The following BRF1 variants were observed in gnomAD, a reference collection of about 807,000 sequenced individuals.
BRF1 encodes BRF1 general transcription factor IIIB subunit, also known as transcription factor IIIB 90 kDa subunit.
In BRF1, 59 loss-of-function variants were observed where a neutral mutation model predicts 81.7. The ratio of observed to expected loss-of-function variants is 0.72; its 90% CI spans 0.59 to 0.90. BRF1 has a LOEUF of 0.90. BRF1 is among the 40% of genes least tolerant of loss of function. The pLI is 0.00. For synonymous variants in BRF1, 491 were observed against 395.6 expected, an observed-to-expected ratio of 1.24 and a Z score of -2.86; for missense variants, 1,050 against 936.3, an observed-to-expected ratio of 1.12 and a Z score of -1.58.
chr14:105,250,654 G>C, intron 5 of BRF1: 1 of 1,609,634 alleles, frequency 6.2e-7, no homozygotes, highest in Non-Finnish European at 8.5e-7. Flanking sequence ...AGATCCCTGA[G>C]CTCATTTTCT....
chr14:105,257,105 G>A (rs2055918621), intron 3 of BRF1, among the ~76,000 whole-genome samples: 1 of 152,254 alleles, frequency 6.6e-6, no homozygotes, highest in African/African-American at 2.4e-5. Flanking sequence ...GACAGGTGTG[G>A]GGACCCCGCA....
chr14:105,263,803 T>C (rs2056276040), intron 3 of BRF1, among the ~76,000 whole-genome samples: 1 of 151,794 alleles, frequency 6.6e-6, no homozygotes, highest in Non-Finnish European at 1.5e-5. Flanking sequence ...CGGGCACCTA[T>C]AGTCCCAGCT....
At chr14:105,300,330 G>T in intron 1 of BRF1, 116 bp downstream of exon 1, 1 of 1,191,052 alleles carries the variant, frequency 8.4e-7, no homozygotes, top group African/African-American at 1.6e-5. Flanking sequence ...GCGCAGAACC[G>T]CGCGCCCCGA....
At chr14:105,250,268 C>T (rs142466787) in intron 5 of BRF1, 1 of 1,613,104 alleles carries the variant, frequency 6.2e-7, no homozygotes, top group East Asian at 2.2e-5. Flanking sequence ...CAACCAGTGG[C>T]GGTACCGCGG....
At chr14:105,303,760 TG>T (rs1306632944), upstream of BRF1, among the ~76,000 whole-genome samples, 3 of 152,254 alleles carry the variant, frequency 2.0e-5, no homozygotes, top group African/African-American at 7.2e-5. Context: ...TGTATTGTTT[TG>T]TTTCTAAATG....
rs774987650 is a variant in BRF1, at chr14:105,217,300, G to T, written c.1772+244C>A. On this transcript the variant is annotated intron_variant, in intron 15 of 17. Coordinates refer to ENST00000547530, the MANE Select transcript of BRF1 (RefSeq NM_001519.4). ...CCTCCTTGGGACAAAACAGAGCCTA[G>T]GCTGCAGGACCCCCCTGACAGCTGG... 376 of 616,694 alleles carry T rather than the reference G, an allele frequency of 6.1e-4. 4 individuals are homozygous for T. The highest frequency in any genetic ancestry group is 2.6e-3 in the Middle Eastern group (6 of 2,306). 38.2% of individuals were successfully genotyped at this position (616,694 alleles called of 1,614,324 possible).
At chr14:105,228,490 G>C (rs1373592825) in intron 7 of BRF1, among the ~76,000 whole-genome samples, 5 of 151,290 alleles carry the variant, frequency 3.3e-5, no homozygotes, top group Admixed American at 3.3e-4. Flanking sequence ...GTTACAGTGA[G>C]CCGAGATCAC....
intron 11 of BRF1, among the ~76,000 whole-genome samples, chr14:105,221,383 C>T (rs1053177609): frequency 6.6e-6 from 1 of 152,218 alleles, no homozygotes; most frequent in Admixed American, 6.5e-5. Flanking sequence ...TCTCCGTGGC[C>T]CCTGTGACCT....
chr14:105,226,681 C>T lies in BRF1; in HGVS notation c.868G>A (p.Asp290Asn), dbSNP rs371691984. 2.0e-5 allele frequency: 32 copies of T among 1,613,434 alleles called. No homozygotes were observed. The highest frequency in any genetic ancestry group is 2.5e-5 in the Non-Finnish European group (30 of 1,180,028). The change falls in exon 8 of 18, where the codon GAC becomes AAC. Residue 290 changes from aspartate (D) to asparagine (N), a missense_variant. Physicochemically the swap from Asp to Asn is conservative, Grantham distance 23. Coordinates refer to ENST00000547530, the MANE Select transcript of BRF1 (RefSeq NM_001519.4). ...FMKIDLEEEC[D>N]PPSYTAGQRK... is the part of the protein sequence containing the mutation. The stretch of plus-strand genomic sequence containing the variant: ...TGCCCAGCTGTGTACGAGGGGGGGT[C>T]GCACTCCTCCTCCAGGTCGATCTTC...
rs771530522 is a variant in BRF1 at position 105,211,274 on chromosome 14, G to A, written c.1844C>T (p.Pro615Leu). The change falls in exon 17 of 18, where the codon CCC becomes CTC. Residue 615 changes from proline (P) to leucine (L), a missense_variant. By Grantham distance (98) the Pro-to-Leu change is moderately conservative. Around this residue, in one of 2 missense-constraint regions of BRF1, gnomAD observed 1,043 missense variants for 915.4 expected, o/e 1.14. Transcript: ENST00000547530. Reference protein sequence around the residue: ...ATGEALLPSSPTLGAEPARPQ... With the variant: ...ATGEALLPSSLTLGAEPARPQ... ...CCTGGCAGGCTCAGCTCCGAGGGTG[G>A]GAGAGCTTGGGAGCAAAGCCTGGAA... 6.2e-7 allele frequency: 1 copy of A among 1,600,872 alleles called. No homozygotes were observed. Among genetic ancestry groups the A allele is most frequent in the East Asian group, 2.2e-5 (1 of 44,624 alleles).
chr14:105,218,317 C>T (rs1245205474), intron 14 of BRF1, among the ~76,000 whole-genome samples: 2 of 152,190 alleles, frequency 1.3e-5, no homozygotes, highest in Admixed American at 6.5e-5. Flanking sequence ...CCTGCTGCCC[C>T]CCGCTGCACG....
At chr14:105,288,463 A>C (rs1011412433) in intron 1 of BRF1, among the ~76,000 whole-genome samples, 2 of 151,088 alleles carry the variant, frequency 1.3e-5, no homozygotes, top group Admixed American at 1.3e-4. Flanking sequence ...AAAAAATAAA[A>C]ATAAAAATAA....
In BRF1 at chr14:105,226,624, C is replaced by T; in HGVS notation, c.915+10G>A. The T allele has an allele frequency of 6.2e-7, 1 of 1,612,876 alleles. No homozygotes were observed. Reference sequence around the variant, plus strand: ...AGCCCAGCACAGACAGACACCAAAGCCGGCGCTACCTGCTTCATCCGCAGC... The same window carrying T: ...AGCCCAGCACAGACAGACACCAAAGTCGGCGCTACCTGCTTCATCCGCAGC... On this transcript the variant is annotated intron_variant, in intron 8 of 17. Transcript: ENST00000547530.
Position 105,271,304 on chromosome 14 carries a change from G to A in BRF1, c.439+1417C>T, listed in dbSNP as rs1448140298. Among the ~76,000 whole-genome samples the A allele has an allele frequency of 3.3e-5, 5 of 152,386 alleles. No homozygotes were observed. The highest frequency in any genetic ancestry group is 5.9e-5 in the Non-Finnish European group (4 of 68,040). ...AGGCCTGATGGGCTCACACTGCCGTGAGATTTCTGAACGTGGAGATTAGAG... is the reference window on the plus strand; with the variant it reads ...AGGCCTGATGGGCTCACACTGCCGTAAGATTTCTGAACGTGGAGATTAGAG... On this transcript the variant is annotated intron_variant, in intron 3 of 17. Transcript: ENST00000547530. This position sits in a 1 kb window ranked among gnomAD's most constrained non-coding sequence, Gnocchi z 5.5.
intron 5 of BRF1, among the ~76,000 whole-genome samples, chr14:105,246,437 G>A (rs2055112196): frequency 6.6e-6 from 1 of 151,902 alleles, no homozygotes; most frequent in East Asian, 2.0e-4. Flanking sequence ...AGCACTTTGG[G>A]AGGCCTAGGC....
intron 15 of BRF1, among the ~76,000 whole-genome samples, chr14:105,214,286 C>T (rs587773534): frequency 5.3e-5 from 8 of 152,360 alleles, no homozygotes; most frequent in East Asian, 3.9e-4. Flanking sequence ...CAGAGTGGGA[C>T]GCTCAGGCAT....
At chr14:105,211,356 C>A in intron 16 of BRF1, 63 bp from the exon 17 acceptor site, 1 of 1,417,348 alleles carries the variant, frequency 7.1e-7, no homozygotes, top group South Asian at 1.4e-5. Flanking sequence ...CAACAGACCC[C>A]TCAGACCCAC....
At chr14:105,312,674 C>T (rs2058376803) in intron 1 of BRF1, among the ~76,000 whole-genome samples, 1 of 152,200 alleles carries the variant, frequency 6.6e-6, no homozygotes, top group Non-Finnish European at 1.5e-5. Context: ...CATCATTTTC[C>T]GACAGAGGAG....
At chr14:105,254,693 C>CTGG (rs1242266658) in intron 4 of BRF1, among the ~76,000 whole-genome samples, 2 of 152,152 alleles carry the variant, frequency 1.3e-5, no homozygotes, top group Non-Finnish European at 2.9e-5. Flanking sequence ...TCCTAAGTAG[C>CTGG]TGGGATTATA....
Sources: allele counts gnomAD v4.1 joint callset (sites outside exome capture counted in the v4.1 genomes callset), GRCh38; gene constraint gnomAD v4.1.1; regional missense constraint gnomAD v4.1.1; non-coding constraint Gnocchi (gnomAD v3.1); transcripts MANE v1.5; gene names NCBI Gene and HGNC (gene_info 2026-07-23, HGNC 2026-07-21).